The following ZNF600 variants were observed in gnomAD, a reference collection of about 807,000 sequenced individuals.
ZNF600 encodes the protein zinc finger protein 600.
ZNF600 carries 4 observed loss-of-function variants against 7.3 expected under a neutral mutation model. The observed-to-expected ratio is 0.55, with a 90% CI of 0.27 to 1.25. The LOEUF is 1.25. ZNF600 is among the 50% of genes most tolerant of loss of function. The pLI is 0.12. For synonymous variants in ZNF600, 290 were observed against 308.9 expected (o/e 0.94, Z 0.64); for missense variants, 911 against 922.1 (o/e 0.99, Z 0.16).
At chr19:52,786,864 C>A, upstream of ZNF600, 1 of 219,250 alleles carries the variant, frequency 4.6e-6, no homozygotes, top group Non-Finnish European at 1.0e-5. Context: ...AGACCTTGCC[C>A]TTTAGAACCG....
chr19:52,823,680 T>C, the ZNF600 span, among the ~76,000 whole-genome samples: 1 of 152,178 alleles, frequency 6.6e-6, no homozygotes, highest in Admixed American at 6.5e-5. Context: ...ATCGCCCTTG[T>C]AGTTTGCCTT....
At chr19:52,812,814 G>A in the ZNF600 span, among the ~76,000 whole-genome samples, 2 of 148,002 alleles carry the variant, frequency 1.4e-5, no homozygotes, top group Admixed American at 6.7e-5. Context: ...GTAGAGAGTG[G>A]CATGCTTGGA....
chr19:52,803,601 C>G, the ZNF600 span, among the ~76,000 whole-genome samples: 1 of 152,112 alleles, frequency 6.6e-6, no homozygotes, highest in Non-Finnish European at 1.5e-5. Context: ...AACATAAGAA[C>G]TGAAATAGAT....
chr19:52,793,816 A>G, the ZNF600 span, among the ~76,000 whole-genome samples: 10 of 140,320 alleles, frequency 7.1e-5, no homozygotes, highest in Non-Finnish European at 1.2e-4. Flanking sequence ...ACACACACAC[A>G]CAAAAGTGAT....
the ZNF600 span, among the ~76,000 whole-genome samples, chr19:52,832,314 G>A: frequency 6.6e-6 from 1 of 152,136 alleles, no homozygotes; most frequent in Non-Finnish European, 1.5e-5. Context: ...TGCAGAGACA[G>A]GCCGGGCACG....
the ZNF600 span, among the ~76,000 whole-genome samples, chr19:52,811,772 GC>G: frequency 1.4e-5 from 2 of 147,396 alleles, no homozygotes; most frequent in African/African-American, 5.1e-5. Flanking sequence ...GGGGGGGTCA[GC>G]CCCCCGCCCG....
chr19:52,791,801 C>G (rs918268792), upstream of ZNF600, among the ~76,000 whole-genome samples: 1 of 152,202 alleles, frequency 6.6e-6, no homozygotes, highest in Non-Finnish European at 1.5e-5. Context: ...GCCTCCCCCA[C>G]GAGGCAGCAG....
the ZNF600 span, among the ~76,000 whole-genome samples, chr19:52,833,570 C>T: frequency 6.6e-6 from 1 of 152,152 alleles, no homozygotes; most frequent in Non-Finnish European, 1.5e-5. Flanking sequence ...TGCCTGGCTC[C>T]TTTCCTTTCC....
At chr19:52,812,132 G>C in the ZNF600 span, among the ~76,000 whole-genome samples, 2 of 122,338 alleles carry the variant, frequency 1.6e-5, no homozygotes, top group African/African-American at 4.2e-5. Context: ...GCCCCGTCCG[G>C]GAGGGTGGTG....
At chr19:52,811,038 C>T in the ZNF600 span, among the ~76,000 whole-genome samples, 7 of 148,852 alleles carry the variant, frequency 4.7e-5, no homozygotes, top group South Asian at 2.1e-4. Context: ...TGCAGGCACG[C>T]GCCGCCACGC....
At chr19:52,789,575 G>A (rs1432034923), upstream of ZNF600, among the ~76,000 whole-genome samples, 1 of 152,080 alleles carries the variant, frequency 6.6e-6, no homozygotes, top group African/African-American at 2.4e-5. Context: ...GCAATGGAGC[G>A]AGACTCTATC....
the ZNF600 span, chr19:52,814,152 A>T: frequency 6.8e-6 from 1 of 146,820 alleles, no homozygotes; most frequent in African/African-American, 2.6e-5. Context: ...ACGGCTCCCC[A>T]GGGAGGCTGG....
the ZNF600 span, among the ~76,000 whole-genome samples, chr19:52,822,071 T>C: frequency 8.0e-6 from 1 of 125,308 alleles, no homozygotes; most frequent in African/African-American, 3.0e-5. Flanking sequence ...CTTTTCTTTT[T>C]CCCTTTTTTT....
the ZNF600 span, among the ~76,000 whole-genome samples, chr19:52,817,729 C>G: frequency 3.3e-4 from 51 of 152,254 alleles, no homozygotes; most frequent in African/African-American, 1.2e-3. Flanking sequence ...GAGACCTTCC[C>G]AGGACCATGC....
intron 3 of ZNF600, among the ~76,000 whole-genome samples, chr19:52,770,527 C>G (rs533369053): frequency 1.2e-4 from 18 of 152,330 alleles, no homozygotes; most frequent in African/African-American, 4.3e-4. Context: ...CCAGGCAATA[C>G]AGCAATTTTA....
At chr19:52,791,640 A>G (rs1299994777), upstream of ZNF600, among the ~76,000 whole-genome samples, 21 of 152,128 alleles carry the variant, frequency 1.4e-4, no homozygotes. Flanking sequence ...TGTGACAAAA[A>G]CACACAAACA....
chr19:52,766,880 A>C, exon 4 of ZNF600: 1 of 1,614,192 alleles, frequency 6.2e-7, no homozygotes, highest in South Asian at 1.1e-5. Flanking sequence ...GAATTCTACG[A>C]TGACGTGCAA....
At chr19:52,786,177 C>G (rs919366546) in intron 1 of ZNF600, among the ~76,000 whole-genome samples, 1 of 146,018 alleles carries the variant, frequency 6.8e-6, no homozygotes, top group African/African-American at 2.6e-5. Context: ...GAAAGAACAC[C>G]TGGTATCATA....
chr19:52,831,729 C>G, the ZNF600 span, among the ~76,000 whole-genome samples: 927 of 152,148 alleles, frequency 6.1e-3, 7 homozygotes, highest in African/African-American at 0.021. Flanking sequence ...TGGTCTCGAT[C>G]TCCCGACCTC....
Sources: allele counts gnomAD v4.1 joint callset (sites outside exome capture counted in the v4.1 genomes callset), GRCh38; gene constraint gnomAD v4.1.1; transcripts MANE v1.5; gene names NCBI Gene and HGNC (gene_info 2026-07-23, HGNC 2026-07-21).